The following PPIL2 variants were observed in gnomAD, a reference collection of about 807,000 sequenced individuals.
PPIL2 encodes the protein peptidylprolyl isomerase like 2, also known as RING-type E3 ubiquitin-protein ligase PPIL2.
Under a neutral mutation model 75.2 loss-of-function variants are expected in PPIL2, and 50 were observed. The observed-to-expected ratio is 0.66, with a 90% CI of 0.53 to 0.84. PPIL2 has a LOEUF of 0.84. Among genes scored for constraint, PPIL2 ranks in the 40% least tolerant of loss-of-function variants. The probability of loss-of-function intolerance (pLI) is 0.00; values close to 1 mark genes in which losing one functional copy is unlikely to be tolerated. For missense variants in PPIL2, 590 were observed against 685.0 expected, an observed-to-expected ratio of 0.86 and a Z score of 1.55; for synonymous variants, 245 against 258.8, an observed-to-expected ratio of 0.95 and a Z score of 0.51.
Position 21,675,071 on chromosome 22 carries a change from AC to A in PPIL2, c.252del (p.Asp84GlufsTer5). 6.2e-7 allele frequency: 1 copy of A among 1,611,324 alleles called. No homozygotes were observed. Among genetic ancestry groups the A allele is most frequent in the Non-Finnish European group, 8.5e-7 (1 of 1,177,526 alleles). ...TAACTGTGCTTCTTCCAGAAGCTGGACGGGAGGTCCCTGATCAAGCTGAACT... is the reference window on the plus strand; with the variant it reads ...TAACTGTGCTTCTTCCAGAAGCTGGAGGGAGGTCCCTGATCAAGCTGAACT... ...GTNPSNGEKL[D>X]GRSLIKLNFS... On this transcript the variant is annotated frameshift_variant, in exon 6 of 20. Transcript: ENST00000398831. LOFTEE classifies it high-confidence loss of function.
chr22:21,690,527 G>A lies in PPIL2; in HGVS notation c.1139+1678G>A, dbSNP rs73877669. On this transcript the variant is annotated intron_variant, in intron 15 of 19. Transcript: ENST00000398831. The stretch of plus-strand genomic sequence containing the variant: ...TGAAGGCTGGTATTCTCTTGGCCTC[G>A]CTGTGCTGACCTTTTTTTCTCATGC... Among the ~76,000 whole-genome samples the A allele has an allele frequency of 8.0e-3, 1,220 of 152,222 alleles. 24 individuals are homozygous for A. The highest frequency in any genetic ancestry group is 0.028 in the African/African-American group (1,167 of 41,512).
At chr22:21,668,578 G>A (rs562648599) in intron 1 of PPIL2, among the ~76,000 whole-genome samples, 18 of 149,786 alleles carry the variant, frequency 1.2e-4, no homozygotes, top group South Asian at 2.1e-4. Flanking sequence ...GCAGTGAGCC[G>A]ACATTGCACA....
intron 6 of PPIL2, among the ~76,000 whole-genome samples, chr22:21,679,585 A>G (rs933185702): frequency 1.3e-5 from 2 of 151,628 alleles, no homozygotes; most frequent in African/African-American, 4.8e-5. Flanking sequence ...TGGGTGATAG[A>G]GCTAGACCCT....
intron 11 of PPIL2, 95 bp from the exon 12 acceptor site, chr22:21,686,797 T>C: frequency 1.6e-6 from 2 of 1,271,780 alleles, no homozygotes; most frequent in South Asian, 1.2e-5. Flanking sequence ...AGCTGGAGCC[T>C]AGTCCCCGCC....
chr22:21,685,880 A>G (rs2067338468), intron 10 of PPIL2, among the ~76,000 whole-genome samples: 1 of 152,192 alleles, frequency 6.6e-6, no homozygotes, highest in Non-Finnish European at 1.5e-5. Flanking sequence ...ACTTTTAAAA[A>G]GAAATGAGGC....
chr22:21,677,891 C>T (rs963939797), intron 6 of PPIL2, among the ~76,000 whole-genome samples: 3 of 152,204 alleles, frequency 2.0e-5, no homozygotes, highest in African/African-American at 7.2e-5. Context: ...GAGAGGGCCG[C>T]CCTGACCCGC....
chr22:21,693,719 G>A, intron 15 of PPIL2, 97 bp from the exon 16 acceptor site: 1 of 1,240,296 alleles, frequency 8.1e-7, no homozygotes, highest in South Asian at 1.2e-5. Context: ...GGTTCCCAGA[G>A]CTGGCTGTAG....
intron 8 of PPIL2, 83 bp from the exon 9 acceptor site, chr22:21,683,099 C>A: frequency 3.3e-6 from 4 of 1,202,636 alleles, no homozygotes; most frequent in Non-Finnish European, 5.0e-6. Flanking sequence ...ACACCTCTGA[C>A]AGCTGGCCGT....
intron 15 of PPIL2, 24 bp downstream of exon 15, chr22:21,688,873 G>A: frequency 1.2e-6 from 2 of 1,607,924 alleles, no homozygotes; most frequent in South Asian, 2.2e-5. Flanking sequence ...GCTTGCTGGG[G>A]TGGCCTGGGA....
At chr22:21,669,862 G>T in intron 1 of PPIL2, 51 bp from the exon 2 acceptor site, 2 of 1,552,272 alleles carry the variant, frequency 1.3e-6, no homozygotes, top group Non-Finnish European at 1.8e-6. Context: ...CAAAGACTTC[G>T]TCCTCTTTAT....
chr22:21,686,576 T>C lies in PPIL2; in HGVS notation c.790+18T>C. 2 of 1,610,794 alleles carry C rather than the reference T, an allele frequency of 1.2e-6. No homozygotes were observed. The highest frequency in any genetic ancestry group is 1.7e-6 in the Non-Finnish European group (2 of 1,177,102). On this transcript the variant is annotated intron_variant, in intron 11 of 19. Coordinates refer to ENST00000398831, the MANE Select transcript of PPIL2 (RefSeq NM_014337.4). ...TGAAGCAGGTAGCCACCTTGGCCTCTGTAGCCACCTGCCATGTGACCCAAA... is the reference window on the plus strand; with the variant it reads ...TGAAGCAGGTAGCCACCTTGGCCTCCGTAGCCACCTGCCATGTGACCCAAA...
intron 5 of PPIL2, chr22:21,673,525 G>A (rs2066716923): frequency 6.6e-6 from 1 of 152,300 alleles, no homozygotes; most frequent in African/African-American, 2.4e-5. Flanking sequence ...ACTCTTTGGG[G>A]TTCCCAAACT....
At chr22:21,673,003 G>A (rs2066694992) in intron 5 of PPIL2, among the ~76,000 whole-genome samples, 1 of 152,196 alleles carries the variant, frequency 6.6e-6, no homozygotes, top group Admixed American at 6.5e-5. Context: ...GGGCTGCAGG[G>A]TTCTGGGGAC....
At position 21,686,528 on chromosome 22, in the gene PPIL2, G is replaced by T; in HGVS notation, c.760G>T (p.Ala254Ser). 1.9e-6 allele frequency: 3 copies of T among 1,614,148 alleles called. No homozygotes were observed. Among genetic ancestry groups the T allele is most frequent in the Non-Finnish European group, 2.5e-6 (3 of 1,180,004 alleles). ...GGTCAGCGCTTCCTTCACCTCCACC[G>T]CGATGGTCCCGGAGACCACACATGA... ...GKVSASFTST[A>S]MVPETTHEAA... is the part of the protein sequence containing the mutation. The change falls in exon 11 of 20, where the codon GCG becomes TCG. Residue 254 changes from alanine (A) to serine (S), a missense_variant. By Grantham distance (99) the Ala-to-Ser change is moderately conservative. Coordinates refer to ENST00000398831, the MANE Select transcript of PPIL2 (RefSeq NM_014337.4).
chr22:21,672,472 C>T (rs2066673267), intron 5 of PPIL2, 91 bp downstream of exon 5: 2 of 1,329,642 alleles, frequency 1.5e-6, no homozygotes, highest in Non-Finnish European at 2.2e-6. Flanking sequence ...AACACAGGAA[C>T]ATGGGAGAGA....
At position 21,697,148 on chromosome 22, in the gene PPIL2, T is replaced by A; in HGVS notation, c.*1658T>A. On this transcript the variant is annotated 3_prime_UTR_variant, in exon 20 of 20. Coordinates refer to ENST00000398831, the MANE Select transcript of PPIL2 (RefSeq NM_014337.4). Reference sequence around the variant, plus strand: ...TGCAGCCCTGGCAGTAACTGGCTTGTAAGAGGCTCAGACACCAAGCTGGGC... The same window carrying A: ...TGCAGCCCTGGCAGTAACTGGCTTGAAAGAGGCTCAGACACCAAGCTGGGC... 2.7e-6 allele frequency: 2 copies of A among 750,550 alleles called. No individual in the cohort carries two copies. The highest frequency in any genetic ancestry group is 4.2e-6 in the Non-Finnish European group (2 of 472,070). 46.5% of individuals were successfully genotyped at this position (750,550 alleles called of 1,614,324 possible).
chr22:21,677,461 G>A (rs991327840), intron 6 of PPIL2, among the ~76,000 whole-genome samples: 2 of 152,266 alleles, frequency 1.3e-5, no homozygotes, highest in African/African-American at 4.8e-5. Context: ...TCGGGAGGCC[G>A]AGGCTGGCAG....
At chr22:21,678,912 T>G (rs1288998128) in intron 6 of PPIL2, among the ~76,000 whole-genome samples, 1 of 150,822 alleles carries the variant, frequency 6.6e-6, no homozygotes, top group Non-Finnish European at 1.5e-5. Context: ...TTTTTTTTTT[T>G]TGAGATGGAG....
At chr22:21,676,970 C>T (rs1428925983) in intron 6 of PPIL2, among the ~76,000 whole-genome samples, 11 of 147,896 alleles carry the variant, frequency 7.4e-5, no homozygotes, top group Admixed American at 4.7e-4. Flanking sequence ...GACGGGGCGG[C>T]GGCCAGGCGG....
Sources: gnomAD v4.1 joint callset for allele counts (sites outside exome capture counted in the v4.1 genomes callset) on GRCh38, gnomAD v4.1.1 for gene constraint, MANE v1.5 for transcripts, NCBI Gene and HGNC (gene_info 2026-07-23, HGNC 2026-07-21) for gene names.